The following HMGCLL1 variants were observed in gnomAD, a reference collection of about 807,000 sequenced individuals.
HMGCLL1 encodes the protein 3-hydroxy-3-methylglutaryl-CoA lyase like 1, also known as 3-hydroxymethyl-3-methylglutaryl-CoA lyase, cytoplasmic.
Under a neutral mutation model 39.1 loss-of-function variants are expected in HMGCLL1, and 36 were observed. The observed-to-expected ratio is 0.92, with a 90% CI of 0.71 to 1.22. The LOEUF (loss-of-function observed/expected upper bound fraction) is 1.22, where lower values mean the gene tolerates loss of function less well. Ranked by LOEUF, HMGCLL1 falls within the 50% of genes most tolerant of loss-of-function variation. The pLI is 0.00. For synonymous variants in HMGCLL1, 149 were observed against 144.0 expected, an observed-to-expected ratio of 1.03 and a Z score of -0.25; for missense variants, 451 against 416.5, an observed-to-expected ratio of 1.08 and a Z score of -0.72.
intron 3 of HMGCLL1, among the ~76,000 whole-genome samples, chr6:55,539,669 TAGAG>T (rs758703161): frequency 2.5e-4 from 37 of 149,954 alleles, no homozygotes; most frequent in Admixed American, 8.0e-4. Context: ...CACGGACACA[TAGAG>T]AGGAACAACA....
intron 1 of HMGCLL1, among the ~76,000 whole-genome samples, chr6:55,544,232 C>A (rs1769822572): frequency 6.6e-6 from 1 of 152,042 alleles, no homozygotes; most frequent in Admixed American, 6.6e-5. Context: ...AGACTAGGTA[C>A]CATGGATCTA....
chr6:55,565,420 T>C (rs1028476579), intron 1 of HMGCLL1, among the ~76,000 whole-genome samples: 1 of 152,136 alleles, frequency 6.6e-6, no homozygotes, highest in African/African-American at 2.4e-5. Context: ...TTAATAATAC[T>C]CTATTAATGG....
chr6:55,660,740 G>A, the HMGCLL1 span, among the ~76,000 whole-genome samples: 1 of 151,832 alleles, frequency 6.6e-6, no homozygotes, highest in African/African-American at 2.4e-5. Flanking sequence ...ACCTGTAATG[G>A]GATTGGGCAG....
chr6:55,452,877 A>G (rs1764161887), intron 7 of HMGCLL1, among the ~76,000 whole-genome samples: 1 of 152,194 alleles, frequency 6.6e-6, no homozygotes. Context: ...AATACAAAGA[A>G]CTTTAATACA....
At chr6:55,562,160 T>A (rs1001149389) in intron 1 of HMGCLL1, among the ~76,000 whole-genome samples, 2 of 152,158 alleles carry the variant, frequency 1.3e-5, no homozygotes, top group African/African-American at 4.8e-5. Flanking sequence ...ATGAAAAGGA[T>A]CAAAGTTTTA....
chr6:55,541,803 T>A lies in HMGCLL1; in HGVS notation c.223A>T (p.Ile75Phe), dbSNP rs1463690845. 1 of 1,607,396 alleles carries A rather than the reference T, an allele frequency of 6.2e-7. No individual in the cohort carries two copies. The highest frequency in any genetic ancestry group is 8.5e-7 in the Non-Finnish European group (1 of 1,175,658). The change falls in exon 3 of 9, where the codon ATC (isoleucine) becomes TTC (phenylalanine). Residue 75 changes from isoleucine (I) to phenylalanine (F), a missense_variant. Physicochemically the swap from Ile to Phe is conservative, Grantham distance 21 (BLOSUM62 0). Transcript: ENST00000274901. ...IVPTDIKIEFINRLSQTGLSV... is the reference protein window; with the variant it reads ...IVPTDIKIEFFNRLSQTGLSV... ...AAGCCAGTTTGGGAAAGTCGATTGA[T>A]AAATTCAATTTTTATATCTGTAGGA...
the HMGCLL1 span, among the ~76,000 whole-genome samples, chr6:55,678,371 A>G: frequency 6.6e-6 from 1 of 152,334 alleles, no homozygotes; most frequent in Admixed American, 6.5e-5. Context: ...TAAATAAAAT[A>G]TAATCAAGAA....
rs556137194 is a variant in HMGCLL1 at position 55,507,320 on chromosome 6, G to A, written c.542+6728C>T. On this transcript the variant is annotated intron_variant, in intron 5 of 8. Coordinates refer to ENST00000274901, the MANE Select transcript of HMGCLL1 (RefSeq NM_001042406.2). ...ATCGACAGTTTCAGGCATCCACTGGGGTCTTGGAATACATCTCCTGCAGAC... is the reference window on the plus strand; with the variant it reads ...ATCGACAGTTTCAGGCATCCACTGGAGTCTTGGAATACATCTCCTGCAGAC... Among the ~76,000 whole-genome samples, 186 of 151,738 alleles carry A rather than the reference G, an allele frequency of 1.2e-3. 1 individual carries two copies. Among genetic ancestry groups the A allele is most frequent in the Non-Finnish European group, 2.0e-3 (134 of 67,780 alleles).
the HMGCLL1 span, among the ~76,000 whole-genome samples, chr6:55,601,612 T>A: frequency 3.3e-5 from 5 of 152,180 alleles, no homozygotes; most frequent in Admixed American, 6.6e-5. Context: ...CGGTCATTTT[T>A]TAAATCAGTC....
intron 7 of HMGCLL1, among the ~76,000 whole-genome samples, chr6:55,492,117 G>A (rs768836636): frequency 3.3e-5 from 5 of 152,042 alleles, no homozygotes; most frequent in Admixed American, 2.0e-4. Context: ...CTGAAGCACT[G>A]TAAACTGTTT....
intron 1 of HMGCLL1, among the ~76,000 whole-genome samples, chr6:55,546,142 G>A (rs1737230849): frequency 6.6e-6 from 1 of 152,184 alleles, no homozygotes; most frequent in African/African-American, 2.4e-5. Context: ...AGATAAGCAA[G>A]GGTTCCATAA....
chr6:55,653,750 G>T, the HMGCLL1 span, among the ~76,000 whole-genome samples: 1 of 151,960 alleles, frequency 6.6e-6, no homozygotes, highest in Non-Finnish European at 1.5e-5. Flanking sequence ...ACACTTCCCA[G>T]TGTGTGTTCT....
At chr6:55,607,675 G>C in the HMGCLL1 span, among the ~76,000 whole-genome samples, 2 of 152,180 alleles carry the variant, frequency 1.3e-5, no homozygotes, top group Non-Finnish European at 2.9e-5. Context: ...AGCTGCAACT[G>C]TCACTAGCTT....
chr6:55,499,609 T>G (rs1489290572), intron 5 of HMGCLL1, among the ~76,000 whole-genome samples: 1 of 152,038 alleles, frequency 6.6e-6, no homozygotes, highest in Non-Finnish European at 1.5e-5. Flanking sequence ...AAAATACCAG[T>G]GAAATATATG....
Position 55,543,254 on chromosome 6 carries a change from TATATA to T in HMGCLL1, c.109-1119_109-1115del, listed in dbSNP as rs1162882516. Among the ~76,000 whole-genome samples the T allele has an allele frequency of 5.7e-3, 91 of 16,020 alleles. 24 individuals carry two copies. The highest frequency in any genetic ancestry group is 0.016 in the African/African-American group (86 of 5,470). The allele number at this position is 16,020 out of a possible 152,430, so 10.5% of individuals were successfully genotyped here. On this transcript the variant is annotated intron_variant, in intron 1 of 8. Coordinates refer to ENST00000274901, the MANE Select transcript of HMGCLL1 (RefSeq NM_001042406.2). The stretch of plus-strand genomic sequence containing the variant: ...ATATAGATATAATATAGATATATAA[TATATA>T]ATATAATATATCTATATTATATATA...
intron 8 of HMGCLL1, 89 bp downstream of exon 8, chr6:55,439,345 A>G (rs1406428418): frequency 1.6e-6 from 2 of 1,290,104 alleles, no homozygotes; most frequent in Non-Finnish European, 2.1e-6. Context: ...TAAAACTTTG[A>G]CCTCAAAATT....
upstream of HMGCLL1, among the ~76,000 whole-genome samples, chr6:55,582,329 T>C (rs1219117969): frequency 6.6e-6 from 1 of 152,176 alleles, no homozygotes; most frequent in African/African-American, 2.4e-5. Context: ...ATGTTAGCTA[T>C]TATTATTATT....
chr6:55,645,420 A>T, the HMGCLL1 span, among the ~76,000 whole-genome samples: 2 of 151,874 alleles, frequency 1.3e-5, no homozygotes, highest in Non-Finnish European at 2.9e-5. Flanking sequence ...TCTAGCTAAG[A>T]CTTCCAAGTA....
the HMGCLL1 span, among the ~76,000 whole-genome samples, chr6:55,656,370 A>G: frequency 6.6e-6 from 1 of 152,012 alleles, no homozygotes; most frequent in Non-Finnish European, 1.5e-5. Context: ...GTTCATCAAT[A>G]TCTATCTTTT....
Sources: allele counts gnomAD v4.1 joint callset (sites outside exome capture counted in the v4.1 genomes callset), GRCh38; gene constraint gnomAD v4.1.1; transcripts MANE v1.5; gene names NCBI Gene and HGNC (gene_info 2026-07-23, HGNC 2026-07-21).